The following ANK3 variants were observed in gnomAD, a reference collection of about 807,000 sequenced individuals.
ANK3 encodes the protein ankyrin 3.
ANK3 carries 57 observed loss-of-function variants against 370.9 expected under a neutral mutation model. The observed-to-expected ratio is 0.15, with a 90% CI of 0.12 to 0.19. ANK3 has a LOEUF of 0.19. ANK3 is among the 10% of genes least tolerant of loss of function. The pLI is 1.00. For missense variants in ANK3, 4,439 were observed against 5,302.1 expected (o/e 0.84, Z 5.06); for synonymous variants, 1,929 against 1,946.3 (o/e 0.99, Z 0.23).
chr10:60,426,732 T>C (rs115246857), intron 2 of ANK3, among the ~76,000 whole-genome samples: 4,800 of 152,260 alleles, frequency 0.032, 264 homozygotes, highest in African/African-American at 0.11. Flanking sequence ...CAATTACTTA[T>C]TTATAGCTTT....
At chr10:60,700,602 T>C (rs1322974542) in intron 1 of ANK3, among the ~76,000 whole-genome samples, 1 of 152,142 alleles carries the variant, frequency 6.6e-6, no homozygotes, top group Non-Finnish European at 1.5e-5. Flanking sequence ...TAAAACAGTC[T>C]GGTATTGAAA....
intron 1 of ANK3, among the ~76,000 whole-genome samples, chr10:60,717,788 G>A (rs1310347308): frequency 6.6e-6 from 1 of 152,210 alleles, no homozygotes; most frequent in Non-Finnish European, 1.5e-5. Context: ...AAGAGACTGA[G>A]AGATTGACAC....
chr10:60,135,504 T>A (rs1256500255), intron 24 of ANK3, among the ~76,000 whole-genome samples: 1 of 152,240 alleles, frequency 6.6e-6, no homozygotes, highest in African/African-American at 2.4e-5. Flanking sequence ...CAGCCCCTTT[T>A]GTTCTGGTGT....
intron 1 of ANK3, among the ~76,000 whole-genome samples, chr10:60,294,985 AAATTT>A (rs2042202118): frequency 1.3e-5 from 2 of 152,146 alleles, no homozygotes; most frequent in Admixed American, 1.3e-4. Context: ...ACTTTACCCC[AAATTT>A]AAGGTAACCG....
intron 2 of ANK3, among the ~76,000 whole-genome samples, chr10:60,454,624 C>T (rs1419789377): frequency 1.3e-5 from 2 of 152,132 alleles, no homozygotes; most frequent in South Asian, 2.1e-4. Flanking sequence ...CCCTTTGGCT[C>T]TGCCTGAAGT....
chr10:60,332,386 T>G (rs1387400842), intron 1 of ANK3, among the ~76,000 whole-genome samples: 1 of 152,224 alleles, frequency 6.6e-6, no homozygotes, highest in East Asian at 1.9e-4. Context: ...AAGTACATAT[T>G]CTAATGCAAA....
At chr10:60,538,391 G>A (rs2076770704) in intron 2 of ANK3, among the ~76,000 whole-genome samples, 1 of 151,860 alleles carries the variant, frequency 6.6e-6, no homozygotes, top group African/African-American at 2.4e-5. Flanking sequence ...CAGGCTTCAT[G>A]CCACATTATC....
At chr10:60,275,314 CA>C (rs1211836351) in intron 4 of ANK3, among the ~76,000 whole-genome samples, 1 of 152,054 alleles carries the variant, frequency 6.6e-6, no homozygotes, top group Non-Finnish European at 1.5e-5. Flanking sequence ...TATAAGCATG[CA>C]AATCTGCAGA....
rs142860614 is a variant in ANK3, at chr10:60,342,673, A to G, written c.114+46752T>C. On this transcript the variant is annotated intron_variant, in intron 1 of 43. Transcript: ENST00000280772. ...GATCTCAGTGAGCAGTGGTTCACTA[A>G]GTCTGAGCATTGAACCAGACAAGTT... Among the ~76,000 whole-genome samples the G allele has an allele frequency of 7.0e-3, 1,073 of 152,272 alleles. 9 individuals carry two copies. The highest frequency in any genetic ancestry group is 0.025 in the African/African-American group (1,032 of 41,570).
intron 1 of ANK3, among the ~76,000 whole-genome samples, chr10:60,726,112 T>C (rs2079936845): frequency 6.6e-6 from 1 of 152,160 alleles, no homozygotes; most frequent in Non-Finnish European, 1.5e-5. Context: ...GAAGAACAGC[T>C]CCTATTTATT....
intron 1 of ANK3, among the ~76,000 whole-genome samples, chr10:60,700,106 G>A (rs2079526358): frequency 6.6e-6 from 1 of 152,022 alleles, no homozygotes; most frequent in Non-Finnish European, 1.5e-5. Flanking sequence ...GGGACTTTTT[G>A]ATTGTTTTTG....
intron 23 of ANK3, among the ~76,000 whole-genome samples, chr10:60,149,273 C>T (rs905161319): frequency 6.6e-6 from 1 of 152,142 alleles, no homozygotes; most frequent in Non-Finnish European, 1.5e-5. Flanking sequence ...TTGCTCCTAG[C>T]TCCCTGTGCA....
At chr10:60,156,868 C>T (rs1321324025) in intron 23 of ANK3, among the ~76,000 whole-genome samples, 1 of 152,138 alleles carries the variant, frequency 6.6e-6, no homozygotes, top group Non-Finnish European at 1.5e-5. Flanking sequence ...ATACCTAACT[C>T]TTTAATGCCC....
At chr10:60,515,842 T>C (rs2133171651) in intron 2 of ANK3, among the ~76,000 whole-genome samples, 1 of 152,244 alleles carries the variant, frequency 6.6e-6, no homozygotes, top group African/African-American at 2.4e-5. Context: ...ATTATACTAG[T>C]AAAAACTATT....
At position 60,695,568 on chromosome 10, in the gene ANK3, A is replaced by C. The variant is rs1447481374; in HGVS notation, c.57+37695T>G. On this transcript the variant is annotated intron_variant, in intron 1 of 43. Coordinates refer to the ANK3 transcript ENST00000373827. ...CAAACTGTCTCTCAGACCACAGTGCAATCAAACTAGAACTCAGGATTAAGA... is the reference window on the plus strand; with the variant it reads ...CAAACTGTCTCTCAGACCACAGTGCCATCAAACTAGAACTCAGGATTAAGA... Among the ~76,000 whole-genome samples, 5 of 152,362 alleles carry C rather than the reference A, an allele frequency of 3.3e-5. No individual in the cohort carries two copies. In the East Asian group the frequency reaches 9.6e-4, roughly 29 times the overall value.
intron 42 of ANK3, 81 bp downstream of exon 42, chr10:60,055,577 C>G (rs2393609): frequency 2.0e-6 from 3 of 1,478,950 alleles, no homozygotes; most frequent in Non-Finnish European, 2.7e-6. Context: ...CTTGGGCCCC[C>G]GGCTGCAAGA....
intron 37 of ANK3, 134 bp from the exon 38 acceptor site, chr10:60,068,143 A>G (rs1292545465): frequency 7.1e-6 from 5 of 705,476 alleles, no homozygotes; most frequent in African/African-American, 3.5e-5. Context: ...CTAGTCACCT[A>G]CATGAACACT....
intron 2 of ANK3, among the ~76,000 whole-genome samples, chr10:60,557,494 G>A (rs1377223740): frequency 1.3e-5 from 2 of 152,138 alleles, no homozygotes; most frequent in African/African-American, 2.4e-5. Flanking sequence ...GGAGGAATTT[G>A]GAGGGACTTA....
At chr10:60,536,044 A>G (rs1223478222) in intron 2 of ANK3, among the ~76,000 whole-genome samples, 1 of 152,124 alleles carries the variant, frequency 6.6e-6, no homozygotes, top group Non-Finnish European at 1.5e-5. Context: ...AATTGCAACT[A>G]AGAGAAAAAG....
Sources: gnomAD v4.1 joint callset for allele counts (sites outside exome capture counted in the v4.1 genomes callset) on GRCh38, gnomAD v4.1.1 for gene constraint, MANE v1.5 for transcripts, NCBI Gene and HGNC (gene_info 2026-07-23, HGNC 2026-07-21) for gene names.